The following CNTNAP2 variants were observed in gnomAD, a reference collection of about 807,000 sequenced individuals.
The protein encoded by CNTNAP2 is contactin associated protein 2.
A neutral mutation model predicts 155.2 loss-of-function variants in CNTNAP2; 98 were observed. The observed-to-expected ratio is 0.63, with a 90% CI of 0.54 to 0.75. The LOEUF (loss-of-function observed/expected upper bound fraction) is 0.75. Ranked by LOEUF, CNTNAP2 falls within the 30% of genes least tolerant of loss-of-function variation. CNTNAP2 has a pLI of 0.00. For missense variants in CNTNAP2, 1,727 were observed against 1,688.1 expected, an observed-to-expected ratio of 1.02 and a Z score of -0.40; for synonymous variants, 651 against 631.2, an observed-to-expected ratio of 1.03 and a Z score of -0.47.
At chr7:147,346,316 G>A (rs567137036) in intron 9 of CNTNAP2, among the ~76,000 whole-genome samples, 7 of 150,622 alleles carry the variant, frequency 4.6e-5, no homozygotes, top group South Asian at 4.2e-4. Context: ...CACCGCGCCC[G>A]GCTAATTTTT....
intron 1 of CNTNAP2, among the ~76,000 whole-genome samples, chr7:146,606,001 C>T (rs184541060): frequency 1.3e-5 from 2 of 152,124 alleles, no homozygotes; most frequent in Admixed American, 1.3e-4. Flanking sequence ...GTTGTTATTC[C>T]CTAAGGTCAA....
At chr7:146,820,063 T>G (rs2129195878) in intron 2 of CNTNAP2, among the ~76,000 whole-genome samples, 1 of 152,354 alleles carries the variant, frequency 6.6e-6, no homozygotes, top group South Asian at 2.1e-4. Flanking sequence ...CAGAAGATGC[T>G]AAATAGATAT....
chr7:148,356,351 G>A (rs80040709), intron 21 of CNTNAP2, among the ~76,000 whole-genome samples: 5,512 of 152,274 alleles, frequency 0.036, 102 homozygotes, highest in African/African-American at 0.048. Context: ...AGAGAAGGGT[G>A]TTATATAAAA....
chr7:146,347,524 T>G (rs1794837604), intron 1 of CNTNAP2, among the ~76,000 whole-genome samples: 1 of 152,214 alleles, frequency 6.6e-6, no homozygotes, highest in African/African-American at 2.4e-5. Flanking sequence ...TACAATAAGT[T>G]ATTTTTCTCT....
chr7:146,774,371 C>T lies in CNTNAP2; in HGVS notation c.198C>T (p.Asn66=). ...GSYSPGYAKI[N]KRGGAGGWSP... ...ATTCTCCCGGCTATGCCAAGATAAA[C>T]AAGAGAGGAGGTAAGCCAAATTTTG... is the stretch of plus-strand genomic sequence containing the variant. The change falls in exon 2 of 24, where the codon AAC becomes AAT. Residue 66 remains asparagine (N), a synonymous_variant. Coordinates refer to ENST00000361727, the MANE Select transcript of CNTNAP2 (RefSeq NM_014141.6). 3 of 1,613,512 alleles carry T rather than the reference C, an allele frequency of 1.9e-6. No individual in the cohort carries two copies. The highest frequency in any genetic ancestry group is 2.5e-6 in the Non-Finnish European group (3 of 1,179,716).
intron 3 of CNTNAP2, among the ~76,000 whole-genome samples, chr7:146,975,224 G>A (rs762806231): frequency 5.9e-5 from 9 of 152,058 alleles, no homozygotes; most frequent in Non-Finnish European, 1.2e-4. Flanking sequence ...CAGCAGTTTG[G>A]GAGGCCGAGG....
At chr7:147,627,924 C>A (rs1374393590) in intron 12 of CNTNAP2, among the ~76,000 whole-genome samples, 1 of 135,670 alleles carries the variant, frequency 7.4e-6, no homozygotes, top group Non-Finnish European at 1.6e-5. Context: ...GCCAATCAGA[C>A]AAAGACAAGA....
chr7:148,176,784 A>G (rs1326238221), intron 18 of CNTNAP2, among the ~76,000 whole-genome samples: 1 of 152,138 alleles, frequency 6.6e-6, no homozygotes, highest in Non-Finnish European at 1.5e-5. Context: ...GTCCCTTCCA[A>G]TGCAGAATTC....
chr7:147,303,443 C>A (rs1794977985), intron 9 of CNTNAP2, among the ~76,000 whole-genome samples: 1 of 152,190 alleles, frequency 6.6e-6, no homozygotes, highest in Non-Finnish European at 1.5e-5. Context: ...GATTCCTGAT[C>A]AGAAGAGGAA....
intron 21 of CNTNAP2, among the ~76,000 whole-genome samples, chr7:148,314,057 T>C (rs565167714): frequency 6.6e-6 from 1 of 151,496 alleles, no homozygotes; most frequent in African/African-American, 2.4e-5. Flanking sequence ...GGAGGGGAGA[T>C]GATAAAAGGA....
chr7:146,186,159 A>G lies in CNTNAP2; in HGVS notation c.97+69186A>G, dbSNP rs547711248. Among the ~76,000 whole-genome samples the G allele has an allele frequency of 5.3e-5, 8 of 152,242 alleles. No homozygotes were observed. In the South Asian group the frequency reaches 1.7e-3, roughly 32 times the overall value. Reference sequence around the variant, plus strand: ...AAATGTGTGCTAAATTCTACTCTGCATATTACTGATATTGCATTCATGTTT... The same window carrying G: ...AAATGTGTGCTAAATTCTACTCTGCGTATTACTGATATTGCATTCATGTTT... On this transcript the variant is annotated intron_variant, in intron 1 of 23. Coordinates refer to ENST00000361727, the MANE Select transcript of CNTNAP2 (RefSeq NM_014141.6).
At chr7:147,688,680 TTGAG>T (rs1796048693) in intron 13 of CNTNAP2, among the ~76,000 whole-genome samples, 1 of 152,182 alleles carries the variant, frequency 6.6e-6, no homozygotes, top group African/African-American at 2.4e-5. Flanking sequence ...TGGCACCAGG[TTGAG>T]CATGTATCAT....
chr7:146,932,755 C>T (rs1282315267), intron 3 of CNTNAP2, among the ~76,000 whole-genome samples: 1 of 152,226 alleles, frequency 6.6e-6, no homozygotes, highest in Non-Finnish European at 1.5e-5. Flanking sequence ...GATACAAAAT[C>T]AATGCACAAA....
At chr7:148,054,357 T>C (rs974798095) in intron 15 of CNTNAP2, among the ~76,000 whole-genome samples, 2 of 152,014 alleles carry the variant, frequency 1.3e-5, no homozygotes, top group Admixed American at 6.6e-5. Context: ...GAGTCTAATA[T>C]GTATGCATCT....
Position 147,644,590 on chromosome 7 carries a change from C to G in CNTNAP2, c.2098+5284C>G, listed in dbSNP as rs551941534. Among the ~76,000 whole-genome samples the G allele has an allele frequency of 3.7e-3, 561 of 152,244 alleles. 1 individual carries two copies. Among genetic ancestry groups the G allele is most frequent in the Middle Eastern group, 6.8e-3 (2 of 294 alleles). The stretch of plus-strand genomic sequence containing the variant: ...TGAGCTGGTATCATGCCACTGCACT[C>G]CAACCTGGGCGATAGAGCGAGACTC... On this transcript the variant is annotated intron_variant, in intron 13 of 23. Transcript: ENST00000361727.
At chr7:148,075,410 C>T (rs1803466280) in intron 15 of CNTNAP2, among the ~76,000 whole-genome samples, 1 of 151,696 alleles carries the variant, frequency 6.6e-6, no homozygotes. Context: ...GCACTCCAGC[C>T]TGGGTGACAC....
At chr7:147,892,716 A>C (rs543218282) in intron 13 of CNTNAP2, among the ~76,000 whole-genome samples, 1 of 152,356 alleles carries the variant, frequency 6.6e-6, no homozygotes, top group African/African-American at 2.4e-5. Context: ...TCAATTCAGT[A>C]AAATAAATTT....
At chr7:146,366,873 T>A (rs887799375) in intron 1 of CNTNAP2, among the ~76,000 whole-genome samples, 1 of 152,134 alleles carries the variant, frequency 6.6e-6, no homozygotes, top group East Asian at 1.9e-4. Flanking sequence ...TGACATAAAT[T>A]TCATAGATAA....
At chr7:147,474,582 T>TG (rs1269312991) in intron 10 of CNTNAP2, among the ~76,000 whole-genome samples, 2 of 150,722 alleles carry the variant, frequency 1.3e-5, no homozygotes, top group Non-Finnish European at 3.0e-5. Context: ...AGATTTTGTC[T>TG]GAAAAAAAAA....
Sources: allele counts gnomAD v4.1 joint callset (sites outside exome capture counted in the v4.1 genomes callset), GRCh38; gene constraint gnomAD v4.1.1; transcripts MANE v1.5; gene names NCBI Gene and HGNC (gene_info 2026-07-23, HGNC 2026-07-21).